Variants in BRSK2 observed in about 807,000 individuals in gnomAD.
BRSK2 encodes the protein BR serine/threonine kinase 2.
BRSK2 carries 19 observed loss-of-function variants against 83.3 expected under a neutral mutation model. That is an observed-to-expected ratio of 0.23 (90% CI 0.16 to 0.33). The LOEUF (loss-of-function observed/expected upper bound fraction) is 0.33, where lower values mean the gene tolerates loss of function less well. Ranked by LOEUF, BRSK2 falls within the 10% of genes least tolerant of loss-of-function variation. The pLI is 1.00. For missense variants in BRSK2, 798 were observed against 1,042.3 expected, an observed-to-expected ratio of 0.77 and a Z score of 3.23; for synonymous variants, 519 against 435.4, an observed-to-expected ratio of 1.19 and a Z score of -2.39.
At chr11:1,447,560 G>C (rs888670416) in intron 12 of BRSK2, among the ~76,000 whole-genome samples, 2 of 152,214 alleles carry the variant, frequency 1.3e-5, no homozygotes, top group East Asian at 3.8e-4. Flanking sequence ...GCCACACAGG[G>C]CTGCTGACTG....
chr11:1,425,526 G>A (rs1849114548), intron 1 of BRSK2, among the ~76,000 whole-genome samples: 1 of 152,318 alleles, frequency 6.6e-6, no homozygotes, highest in South Asian at 2.1e-4. Flanking sequence ...CGCCTCAGTG[G>A]GGTGGAGGCA....
intron 1 of BRSK2, among the ~76,000 whole-genome samples, chr11:1,406,812 G>A (rs1368173298): frequency 2.0e-5 from 3 of 152,302 alleles, no homozygotes; most frequent in South Asian, 4.1e-4. Flanking sequence ...TGGAAAAGAG[G>A]AGCCCAGGCA....
Position 1,412,504 on chromosome 11 carries a change from A to G in BRSK2, c.91+22129A>G, listed in dbSNP as rs906543514. ...CTCAGCTGTGCTGCCCCGTCCTGTGATTGGTGAACTCTGAGCTGTGCTGCT... is the reference window on the plus strand; with the variant it reads ...CTCAGCTGTGCTGCCCCGTCCTGTGGTTGGTGAACTCTGAGCTGTGCTGCT... On this transcript the variant is annotated intron_variant, in intron 1 of 19. Coordinates refer to ENST00000528841, the MANE Select transcript of BRSK2 (RefSeq NM_001256627.2). 3.6e-5 allele frequency among the ~76,000 whole-genome samples: 2 copies of G among 55,488 alleles called. 1 individual carries two copies. Among genetic ancestry groups the G allele is most frequent in the Admixed American group, 3.2e-4 (2 of 6,286 alleles). 36.4% of individuals were successfully genotyped at this position (55,488 alleles called of 152,430 possible). A position where few individuals can be genotyped will look rare whatever the true frequency, so the allele number is the denominator to read the frequency against.
At chr11:1,457,989 C>T (rs1846849953) in intron 18 of BRSK2, among the ~76,000 whole-genome samples, 1 of 152,182 alleles carries the variant, frequency 6.6e-6, no homozygotes, top group African/African-American at 2.4e-5. Context: ...GTGGCGCTTC[C>T]CTACAGCGGA....
chr11:1,399,683 A>G (rs995332730), intron 1 of BRSK2, among the ~76,000 whole-genome samples: 1 of 152,118 alleles, frequency 6.6e-6, no homozygotes. Flanking sequence ...AACCCCGGAC[A>G]CATCCCATGT....
At position 1,462,143 on chromosome 11, in the gene BRSK2, G is replaced by A. The variant is rs903999048; in HGVS notation, c.*1420G>A. ...AAAGAGTCGGTGGCGCTCCTCTGCA[G>A]GGCGTTCTGTGCAGAGCGAGGCCCA... is the stretch of plus-strand genomic sequence containing the variant. On this transcript the variant is annotated 3_prime_UTR_variant, in exon 20 of 20. Coordinates refer to ENST00000528841, the MANE Select transcript of BRSK2 (RefSeq NM_001256627.2). 2.0e-5 allele frequency: 3 copies of A among 152,116 alleles called. No homozygotes were observed. The highest frequency in any genetic ancestry group is 4.4e-5 in the Non-Finnish European group (3 of 68,004). 9.4% of individuals were successfully genotyped at this position (152,116 alleles called of 1,614,324 possible).
chr11:1,417,249 G>A (rs1848188203), intron 1 of BRSK2, among the ~76,000 whole-genome samples: 1 of 152,138 alleles, frequency 6.6e-6, no homozygotes, highest in Admixed American at 6.5e-5. Flanking sequence ...GACTATGAGG[G>A]GGCTCCATAG....
At chr11:1,394,423 ATGGAGATGGGTCC>A (rs1456406023) in intron 1 of BRSK2, among the ~76,000 whole-genome samples, 2 of 45,166 alleles carry the variant, frequency 4.4e-5, no homozygotes, top group African/African-American at 1.5e-4. Context: ...GAGATGGGCC[ATGGAGATGGGTCC>A]TGGAGATGGG....
intron 1 of BRSK2, among the ~76,000 whole-genome samples, chr11:1,420,589 GCCCCTCCATGCAGGCCCTGCCTGGA>G (rs1223495784): frequency 6.6e-6 from 1 of 152,188 alleles, no homozygotes; most frequent in Non-Finnish European, 1.5e-5. Flanking sequence ...CTGGGCCTGG[GCCCCTCCATGCAGGCCCTGCCTGGA>G]CCCCCTGTGA....
intron 15 of BRSK2, among the ~76,000 whole-genome samples, chr11:1,452,299 C>T (rs1319481271): frequency 6.6e-6 from 1 of 152,216 alleles, no homozygotes; most frequent in African/African-American, 2.4e-5. Context: ...CTTTCTGCGC[C>T]GATCAGGTGG....
At chr11:1,401,590 G>A (rs368349976) in intron 1 of BRSK2, among the ~76,000 whole-genome samples, 3 of 152,340 alleles carry the variant, frequency 2.0e-5, no homozygotes, top group East Asian at 1.9e-4. Flanking sequence ...CATGCCAACC[G>A]CCGGTGCAGC....
At chr11:1,408,184 T>A (rs1382552926) in intron 1 of BRSK2, among the ~76,000 whole-genome samples, 1 of 152,202 alleles carries the variant, frequency 6.6e-6, no homozygotes, top group Non-Finnish European at 1.5e-5. Flanking sequence ...TCCCTCCGCC[T>A]GTTCCTAGAG....
chr11:1,410,767 C>T, intron 1 of BRSK2: 1 of 985,406 alleles, frequency 1.0e-6, no homozygotes, highest in Middle Eastern at 5.2e-4. Context: ...GGGGGACACC[C>T]CTTCTGGTTG....
rs761871018 is a variant in BRSK2 at position 1,444,967 on chromosome 11, G to A, written c.781-4G>A. ...ACTAACTCCCTGTTTCTCTTTCCTT[G>A]TAGCTAGAGCACATTCAGAAACACA... On this transcript the variant is annotated splice_polypyrimidine_tract_variant and splice_region_variant and intron_variant, in intron 8 of 19. Coordinates refer to ENST00000528841, the MANE Select transcript of BRSK2 (RefSeq NM_001256627.2). 6.8e-6 allele frequency: 11 copies of A among 1,612,632 alleles called. No individual in the cohort carries two copies. The highest frequency in any genetic ancestry group is 9.3e-6 in the Non-Finnish European group (11 of 1,178,920).
chr11:1,443,830 G>A (rs186628635), intron 8 of BRSK2, among the ~76,000 whole-genome samples, 195 bp downstream of exon 8: 3 of 152,084 alleles, frequency 2.0e-5, no homozygotes, highest in African/African-American at 7.2e-5. Flanking sequence ...GCCCATGGCC[G>A]TGTGTGGGTG....
chr11:1,398,198 G>C lies in BRSK2; in HGVS notation c.91+7823G>C, dbSNP rs1323352244. ...AAGGGGTCAGGATAGGGGCTGGGGG[G>C]CAGTGCCTAGTGGCCCTCCATGCTG... is the stretch of plus-strand genomic sequence containing the variant. On this transcript the variant is annotated intron_variant, in intron 1 of 19. Transcript: ENST00000528841. 9.2e-5 allele frequency among the ~76,000 whole-genome samples: 14 copies of C among 152,210 alleles called. 1 individual carries two copies. Among genetic ancestry groups the C allele is most frequent in the Admixed American group, 9.2e-4 (14 of 15,288 alleles).
At chr11:1,456,554 C>G (rs746199699) in intron 17 of BRSK2, 26 bp downstream of exon 17, 1 of 1,600,858 alleles carries the variant, frequency 6.2e-7, no homozygotes, top group Non-Finnish European at 8.5e-7. Flanking sequence ...CAGGGCGGCT[C>G]CGGGCCCAGG....
At chr11:1,434,290 G>C (rs539191275) in intron 1 of BRSK2, among the ~76,000 whole-genome samples, 9 of 152,230 alleles carry the variant, frequency 5.9e-5, no homozygotes, top group Non-Finnish European at 1.2e-4. Context: ...TGCCAGCCAG[G>C]ATCTGGGTGT....
In BRSK2 at chr11:1,442,422, G is replaced by T. The variant is rs925434133; in HGVS notation, c.414-68G>T. 38 of 1,238,102 alleles carry T rather than the reference G, an allele frequency of 3.1e-5. No individual in the cohort carries two copies. In the Admixed American group the frequency reaches 3.7e-4, roughly 12 times the overall value. The allele number at this position is 1,238,102 out of a possible 1,614,324, so 76.7% of individuals were successfully genotyped here. ...AGAGGCAGTGGGCTCTGGGCAGGGGGTCTCCAGGGCGGGGAGGCGCTCAAG... is the reference window on the plus strand; with the variant it reads ...AGAGGCAGTGGGCTCTGGGCAGGGGTTCTCCAGGGCGGGGAGGCGCTCAAG... On this transcript the variant is annotated intron_variant, in intron 4 of 19. Transcript: ENST00000528841.
Sources: gnomAD v4.1 joint callset for allele counts (sites outside exome capture counted in the v4.1 genomes callset) on GRCh38, gnomAD v4.1.1 for gene constraint, MANE v1.5 for transcripts, NCBI Gene and HGNC (gene_info 2026-07-23, HGNC 2026-07-21) for gene names.